The following KCTD8 variants were observed in gnomAD, a reference collection of about 807,000 sequenced individuals.
KCTD8 encodes BTB/POZ domain-containing protein KCTD8.
Under a neutral mutation model 31.5 loss-of-function variants are expected in KCTD8, and 27 were observed. The observed-to-expected ratio is 0.86, with a 90% confidence interval of 0.63 to 1.18. The LOEUF is 1.18. Ranked by LOEUF, KCTD8 falls within the 50% of genes most tolerant of loss-of-function variation. The pLI, the probability that KCTD8 is intolerant of heterozygous loss-of-function variation, is 0.00. For synonymous variants in KCTD8, 290 were observed against 280.0 expected, an observed-to-expected ratio of 1.04 and a Z score of -0.36; for missense variants, 658 against 647.7, an observed-to-expected ratio of 1.02 and a Z score of -0.17.
intron 1 of KCTD8, among the ~76,000 whole-genome samples, chr4:44,385,619 C>T (rs1255314314): frequency 6.6e-6 from 1 of 151,536 alleles, no homozygotes; most frequent in Non-Finnish European, 1.5e-5. Context: ...ATCGGGAAAG[C>T]TTCATGGCAC....
chr4:44,399,251 T>A (rs905045910), intron 1 of KCTD8, among the ~76,000 whole-genome samples: 2 of 152,056 alleles, frequency 1.3e-5, no homozygotes, highest in Admixed American at 6.6e-5. Context: ...AAGGCAGACG[T>A]CTGACTGTGG....
chr4:44,400,457 A>G (rs1478818419), intron 1 of KCTD8, among the ~76,000 whole-genome samples: 1 of 151,900 alleles, frequency 6.6e-6, no homozygotes, highest in Non-Finnish European at 1.5e-5. Context: ...CCAGCCAGGC[A>G]CGATGGCTCA....
intron 1 of KCTD8, among the ~76,000 whole-genome samples, chr4:44,240,006 T>A (rs567908078): frequency 6.6e-6 from 1 of 152,312 alleles, no homozygotes; most frequent in African/African-American, 2.4e-5. Flanking sequence ...GATAAAGAAA[T>A]CAGAGATGCA....
At chr4:44,268,536 C>G (rs1198957923) in intron 1 of KCTD8, among the ~76,000 whole-genome samples, 2 of 152,116 alleles carry the variant, frequency 1.3e-5, no homozygotes, top group Non-Finnish European at 2.9e-5. Context: ...ATTGGAAGTT[C>G]TGGCCAGGGC....
chr4:44,266,691 G>A (rs1231422219), intron 1 of KCTD8, among the ~76,000 whole-genome samples: 5 of 151,510 alleles, frequency 3.3e-5, no homozygotes, highest in African/African-American at 1.2e-4. Flanking sequence ...ATAAAAGGAT[G>A]GAGGAAGATC....
rs1716661264 is a variant in KCTD8 at position 44,273,224 on chromosome 4, C to T, written c.962-97974G>A. Among the ~76,000 whole-genome samples the T allele has an allele frequency of 2.0e-5, 3 of 151,912 alleles. No homozygotes were observed. The South Asian group carries it at 6.2e-4, about 32-fold the overall frequency. ...ACTCCATGTGACATATATAATTCAT[C>T]ATTTTCTCTATGTGACCATAATACA... On this transcript the variant is annotated intron_variant, in intron 1 of 1. Coordinates refer to ENST00000360029, the MANE Select transcript of KCTD8 (RefSeq NM_198353.3).
intron 1 of KCTD8, among the ~76,000 whole-genome samples, chr4:44,248,556 T>C (rs1715734536): frequency 6.6e-6 from 1 of 151,884 alleles, no homozygotes; most frequent in African/African-American, 2.4e-5. Flanking sequence ...TTTCTCCCTG[T>C]CTGGGGTGCC....
At chr4:44,211,697 C>A (rs1268658565) in intron 1 of KCTD8, among the ~76,000 whole-genome samples, 1 of 152,014 alleles carries the variant, frequency 6.6e-6, no homozygotes, top group African/African-American at 2.4e-5. Context: ...AGAAACAATA[C>A]AACTTTATAA....
intron 1 of KCTD8, among the ~76,000 whole-genome samples, chr4:44,295,731 G>T (rs11935148): frequency 0.029 from 4,472 of 152,146 alleles, 238 homozygotes; most frequent in African/African-American, 0.1. Flanking sequence ...TCTTTTTATA[G>T]TTGCATAAAT....
At chr4:44,193,751 T>C (rs1055566418) in intron 1 of KCTD8, among the ~76,000 whole-genome samples, 5 of 152,200 alleles carry the variant, frequency 3.3e-5, no homozygotes, top group African/African-American at 1.2e-4. Context: ...AAGCAATGTC[T>C]ATTTATCAAA....
intron 1 of KCTD8, among the ~76,000 whole-genome samples, chr4:44,413,705 G>A (rs1367453413): frequency 1.3e-5 from 2 of 152,242 alleles, no homozygotes; most frequent in Admixed American, 6.5e-5. Context: ...GTAGTAGGCA[G>A]AATAATGCCC....
chr4:44,323,855 T>C (rs906184829), intron 1 of KCTD8, among the ~76,000 whole-genome samples: 1 of 151,824 alleles, frequency 6.6e-6, no homozygotes, highest in Admixed American at 6.6e-5. Flanking sequence ...AACATTATCA[T>C]CGCCTGGTCT....
intron 1 of KCTD8, among the ~76,000 whole-genome samples, chr4:44,307,873 A>T (rs1717847706): frequency 6.6e-6 from 1 of 152,004 alleles, no homozygotes; most frequent in Non-Finnish European, 1.5e-5. Context: ...AAAATTCATA[A>T]AACAAATATA....
intron 1 of KCTD8, among the ~76,000 whole-genome samples, chr4:44,342,267 G>T (rs1718921417): frequency 6.6e-6 from 1 of 151,580 alleles, no homozygotes; most frequent in African/African-American, 2.4e-5. Context: ...TACTCTGGAG[G>T]CTGAGGCAGG....
chr4:44,321,950 A>C (rs1718307129), intron 1 of KCTD8, among the ~76,000 whole-genome samples: 1 of 151,516 alleles, frequency 6.6e-6, no homozygotes. Context: ...TCTATGGCTG[A>C]ATAATATTTC....
intron 1 of KCTD8, among the ~76,000 whole-genome samples, chr4:44,302,284 A>G (rs1717650240): frequency 6.6e-6 from 1 of 152,128 alleles, no homozygotes; most frequent in Non-Finnish European, 1.5e-5. Context: ...TGCGGATGGC[A>G]TTGAATCTAT....
chr4:44,446,072 G>A (rs1379300890), intron 1 of KCTD8, among the ~76,000 whole-genome samples: 1 of 152,100 alleles, frequency 6.6e-6, no homozygotes, highest in African/African-American at 2.4e-5. Context: ...CTTCTCTGTT[G>A]AAACCGTTGT....
At chr4:44,263,696 T>C (rs979564423) in intron 1 of KCTD8, among the ~76,000 whole-genome samples, 2 of 152,178 alleles carry the variant, frequency 1.3e-5, no homozygotes, top group Non-Finnish European at 2.9e-5. Flanking sequence ...GGATTAGTGA[T>C]GGCTTAAAAT....
intron 1 of KCTD8, among the ~76,000 whole-genome samples, chr4:44,244,445 G>A (rs924920098): frequency 6.6e-6 from 1 of 152,092 alleles, no homozygotes; most frequent in Non-Finnish European, 1.5e-5. Flanking sequence ...AATCAAGGTT[G>A]CTCTAACATT....
Sources: gnomAD v4.1 joint callset for allele counts (sites outside exome capture counted in the v4.1 genomes callset) on GRCh38, gnomAD v4.1.1 for gene constraint, MANE v1.5 for transcripts, NCBI Gene and HGNC (gene_info 2026-07-23, HGNC 2026-07-21) for gene names.